TLE1: variants seen among roughly 807,000 people sequenced by gnomAD.
The protein encoded by TLE1 is transducin-like enhancer protein 1.
Under a neutral mutation model 89.8 loss-of-function variants are expected in TLE1, and 21 were observed. The observed-to-expected ratio is 0.23, with a 90% CI of 0.17 to 0.34. The LOEUF (loss-of-function observed/expected upper bound fraction) is 0.34, where lower values mean the gene tolerates loss of function less well. TLE1 is among the 10% of genes least tolerant of loss of function. The pLI is 1.00. For synonymous variants in TLE1, 447 were observed against 407.6 expected, an observed-to-expected ratio of 1.10 and a Z score of -1.16; for missense variants, 795 against 1,031.2, an observed-to-expected ratio of 0.77 and a Z score of 3.14.
At chr9:81,659,190 G>T (rs1384681787) in intron 4 of TLE1, among the ~76,000 whole-genome samples, 2 of 152,132 alleles carry the variant, frequency 1.3e-5, no homozygotes, top group Non-Finnish European at 2.9e-5. Flanking sequence ...TTACAGGCGT[G>T]AGCCACCGCG....
intron 14 of TLE1, among the ~76,000 whole-genome samples, chr9:81,597,659 A>C (rs1587898306): frequency 6.6e-6 from 1 of 152,184 alleles, no homozygotes; most frequent in East Asian, 1.9e-4. Flanking sequence ...AAGCTCCTAC[A>C]GATCAGGATC....
chr9:81,584,605 T>A, intron 18 of TLE1, 81 bp from the exon 19 acceptor site: 1 of 1,321,606 alleles, frequency 7.6e-7, no homozygotes, highest in Non-Finnish European at 1.1e-6. Flanking sequence ...TTAATCAAAC[T>A]AAGAACATTT....
intron 6 of TLE1, among the ~76,000 whole-genome samples, chr9:81,636,456 T>C (rs1373681642): frequency 1.6e-5 from 1 of 62,084 alleles, no homozygotes; most frequent in African/African-American, 6.5e-5. Context: ...GGGTGGGGGG[T>C]GGGGGGAATG....
chr9:81,588,716 G>A (rs946213131), intron 16 of TLE1, among the ~76,000 whole-genome samples: 4 of 152,280 alleles, frequency 2.6e-5, no homozygotes, highest in African/African-American at 9.6e-5. Flanking sequence ...ACTCAGTTCT[G>A]CATGCTGAGA....
chr9:81,647,581 G>C (rs1588112543), intron 6 of TLE1, among the ~76,000 whole-genome samples: 1 of 152,140 alleles, frequency 6.6e-6, no homozygotes, highest in African/African-American at 2.4e-5. Flanking sequence ...ACCAGGACTT[G>C]ACCAACTGGA....
intron 4 of TLE1, among the ~76,000 whole-genome samples, chr9:81,675,912 G>A (rs576505274): frequency 2.0e-5 from 3 of 152,038 alleles, no homozygotes; most frequent in Admixed American, 1.3e-4. Context: ...TGTTGGCCAG[G>A]ATGGTCTCGA....
chr9:81,602,227 G>C (rs1269013071), intron 14 of TLE1, among the ~76,000 whole-genome samples: 1 of 152,174 alleles, frequency 6.6e-6, no homozygotes, highest in East Asian at 1.9e-4. Flanking sequence ...TGTTAGCACA[G>C]GATGTAAAGC....
At position 81,689,538 on chromosome 9, in the gene TLE1, C is replaced by G. The variant is rs1353954074; in HGVS notation, c.-1298G>C. 6.6e-6 allele frequency among the ~76,000 whole-genome samples: 1 copy of G among 152,122 alleles called. No homozygotes were observed. Among genetic ancestry groups the G allele is most frequent in the Admixed American group, 6.5e-5 (1 of 15,270 alleles). On this transcript the variant is annotated 5_prime_UTR_variant, in exon 1 of 20. Transcript: ENST00000376499. Reference sequence around the variant, plus strand: ...CCGCCGCCGCCCGCGCCTCTCGCGCCGCTTACATTAACACGCGGTTTCACA... The same window carrying G: ...CCGCCGCCGCCCGCGCCTCTCGCGCGGCTTACATTAACACGCGGTTTCACA...
intron 4 of TLE1, among the ~76,000 whole-genome samples, chr9:81,657,267 T>C (rs566139681): frequency 2.1e-4 from 32 of 152,302 alleles, no homozygotes; most frequent in Non-Finnish European, 3.8e-4. Context: ...TTGCTTAATA[T>C]GATTTTTTTG....
chr9:81,688,464 T>G lies in TLE1; in HGVS notation c.-224A>C. On this transcript the variant is annotated 5_prime_UTR_variant, in exon 1 of 20. Coordinates refer to ENST00000376499, the MANE Select transcript of TLE1 (RefSeq NM_005077.5). The stretch of plus-strand genomic sequence containing the variant: ...GCTCCGGCCCTCAGGGCCACATTAG[T>G]GGGCGCCCCAGGCCCAGCTGCTTCA... The G allele has an allele frequency of 2.2e-6, 1 of 455,904 alleles. No homozygotes were observed. The highest frequency in any genetic ancestry group is 3.8e-6 in the Non-Finnish European group (1 of 262,810). The allele number at this position is 455,904 out of a possible 1,614,324, so 28.2% of individuals were successfully genotyped here. A position where few individuals can be genotyped will look rare whatever the true frequency, so the allele number is the denominator to read the frequency against.
At chr9:81,635,150 G>A (rs1185763198) in intron 6 of TLE1, among the ~76,000 whole-genome samples, 12 of 152,176 alleles carry the variant, frequency 7.9e-5, no homozygotes, top group Admixed American at 7.9e-4. Context: ...CAGGGGAGAG[G>A]ATCTCAGGGA....
intron 4 of TLE1, among the ~76,000 whole-genome samples, chr9:81,682,526 C>T (rs1465296010): frequency 6.6e-6 from 1 of 152,184 alleles, no homozygotes; most frequent in East Asian, 1.9e-4. Flanking sequence ...GAAAAGATAA[C>T]ATGAGTGGGC....
chr9:81,595,653 C>A (rs1450773544), intron 14 of TLE1, among the ~76,000 whole-genome samples: 1 of 151,914 alleles, frequency 6.6e-6, no homozygotes, highest in East Asian at 1.9e-4. Flanking sequence ...CCCATCTCTA[C>A]TAAAAATACA....
chr9:81,683,331 T>G (rs1336077729), intron 4 of TLE1, among the ~76,000 whole-genome samples: 1 of 152,018 alleles, frequency 6.6e-6, no homozygotes, highest in Non-Finnish European at 1.5e-5. Flanking sequence ...CAGGAATAAT[T>G]TCAGCCTGTC....
intron 4 of TLE1, among the ~76,000 whole-genome samples, chr9:81,680,220 C>T (rs1460458906): frequency 6.6e-6 from 1 of 152,046 alleles, no homozygotes; most frequent in Non-Finnish European, 1.5e-5. Context: ...TGCCCAGTCC[C>T]GAATGGAAAT....
chr9:81,642,263 C>G (rs1361163302), intron 6 of TLE1, among the ~76,000 whole-genome samples: 1 of 152,092 alleles, frequency 6.6e-6, no homozygotes, highest in East Asian at 1.9e-4. Context: ...TGCTTGGGAC[C>G]AGCAATGTTT....
chr9:81,593,279 T>G lies in TLE1; in HGVS notation c.1332-5A>C, dbSNP rs76102415. The G allele has an allele frequency of 2.2e-3, 3,535 of 1,601,298 alleles. 60 individuals are homozygous for G. The African/African-American group carries it at 0.041, about 18-fold the overall frequency. On this transcript the variant is annotated splice_region_variant and splice_polypyrimidine_tract_variant and intron_variant, in intron 14 of 19. Transcript: ENST00000376499. The stretch of plus-strand genomic sequence containing the variant: ...GTAACGTGGAAGGAGTATGCACTTT[T>G]GGAAAAACGATTGGAGAGAAGACAG...
chr9:81,676,688 A>T (rs1832944727), intron 4 of TLE1, among the ~76,000 whole-genome samples: 1 of 152,176 alleles, frequency 6.6e-6, no homozygotes. Context: ...TTAAAAGAAC[A>T]CACATGCAGG....
chr9:81,641,582 T>A (rs7851717), intron 6 of TLE1, among the ~76,000 whole-genome samples: 89,987 of 151,996 alleles, frequency 0.59, 26,740 homozygotes, highest in South Asian at 0.72. Context: ...GTACAAAAAT[T>A]AAAAAATAAG....
Sources: gnomAD v4.1 joint callset for allele counts (sites outside exome capture counted in the v4.1 genomes callset) on GRCh38, gnomAD v4.1.1 for gene constraint, MANE v1.5 for transcripts, NCBI Gene and HGNC (gene_info 2026-07-23, HGNC 2026-07-21) for gene names.